The following GNAL variants were observed in gnomAD, a reference collection of about 807,000 sequenced individuals.
The protein encoded by GNAL is G protein subunit alpha L.
Under a neutral mutation model 55.1 loss-of-function variants are expected in GNAL, and 18 were observed. The ratio of observed to expected loss-of-function variants is 0.33; its 90% CI spans 0.23 to 0.48. The LOEUF (loss-of-function observed/expected upper bound fraction) is 0.48, where lower values mean the gene tolerates loss of function less well. GNAL is among the 20% of genes least tolerant of loss of function. The probability of loss-of-function intolerance (pLI) is 0.99; values close to 1 mark genes in which losing one functional copy is unlikely to be tolerated. For synonymous variants in GNAL, 253 were observed against 237.0 expected (o/e 1.07, Z -0.62); for missense variants, 412 against 614.1 (o/e 0.67, Z 3.48).
At chr18:11,828,099 G>A (rs2035294781) in intron 5 of GNAL, among the ~76,000 whole-genome samples, 1 of 152,314 alleles carries the variant, frequency 6.6e-6, no homozygotes, top group African/African-American at 2.4e-5. Context: ...CGGTTTGGAT[G>A]TGGGAGTTTG....
At chr18:11,871,827 C>A (rs923380233) in intron 9 of GNAL, among the ~76,000 whole-genome samples, 2 of 152,200 alleles carry the variant, frequency 1.3e-5, no homozygotes, top group Admixed American at 6.5e-5. Context: ...CCCCATGGGA[C>A]TGAATTAGAA....
At chr18:11,839,569 A>AAAAAAAT (rs1555656666) in intron 5 of GNAL, among the ~76,000 whole-genome samples, 8 of 150,396 alleles carry the variant, frequency 5.3e-5, no homozygotes, top group Non-Finnish European at 7.4e-5. Context: ...AAAAAAAAAA[A>AAAAAAAT]TTTTTTTTCT....
chr18:11,757,572 T>C (rs2033099869), intron 4 of GNAL, among the ~76,000 whole-genome samples: 1 of 152,136 alleles, frequency 6.6e-6, no homozygotes, highest in Non-Finnish European at 1.5e-5. Flanking sequence ...TTTAGACTTG[T>C]CGGCATGTGG....
rs767243364 is a variant in GNAL, at chr18:11,689,659, CGCCCCG to C, written c.107_112del (p.Pro36_Ala37del). 7.3e-7 allele frequency: 1 copy of C among 1,368,840 alleles called. No individual in the cohort carries two copies. Among genetic ancestry groups the C allele is most frequent in the Non-Finnish European group, 9.5e-7 (1 of 1,056,076 alleles). The allele number at this position is 1,368,840 out of a possible 1,614,324, so 84.8% of individuals were successfully genotyped here. On this transcript the variant is annotated inframe_deletion, in exon 1 of 12. Coordinates refer to ENST00000334049, the MANE Select transcript of GNAL (RefSeq NM_182978.4). ...AGCCGCCGGTGGAGGACGCGCAGCC[CGCCCCG>C]GCCCCGGCCCTGGCCCCAGTCCGGG...
At chr18:11,851,269 C>T (rs545154180) in intron 5 of GNAL, 30 of 478,548 alleles carry the variant, frequency 6.3e-5, no homozygotes, top group African/African-American at 4.7e-4. Flanking sequence ...AGCGTCCAGC[C>T]AGAATCCCCC....
chr18:11,704,639 C>T (rs904255441), intron 1 of GNAL, among the ~76,000 whole-genome samples: 9 of 152,142 alleles, frequency 5.9e-5, no homozygotes, highest in Non-Finnish European at 7.4e-5. Flanking sequence ...CTTTGGACTC[C>T]GTCTCTTACA....
intron 4 of GNAL, among the ~76,000 whole-genome samples, chr18:11,813,924 G>A (rs1303969315): frequency 2.0e-5 from 3 of 152,098 alleles, no homozygotes; most frequent in Non-Finnish European, 2.9e-5. Context: ...GAGAGCCAGA[G>A]ATACTAAGGA....
chr18:11,809,684 G>A (rs2034759820), intron 4 of GNAL, among the ~76,000 whole-genome samples: 1 of 152,168 alleles, frequency 6.6e-6, no homozygotes, highest in Non-Finnish European at 1.5e-5. Context: ...AGTGAACCAA[G>A]ATCAAGCCAC....
rs915337719 is a variant in GNAL at position 11,689,664 on chromosome 18, C to G, written c.101C>G (p.Pro34Arg). Residue 34 changes from proline (P) to arginine (R), a missense_variant, in exon 1 of 12, where the codon CCG becomes CGG. Physicochemically the swap from Pro to Arg is moderately radical, Grantham distance 103 (BLOSUM62 -2). Transcript: ENST00000334049. The part of the protein sequence containing the change: ...EPPVEDAQPA[P>R]APALAPVRAA... ...CCGGTGGAGGACGCGCAGCCCGCCC[C>G]GGCCCCGGCCCTGGCCCCAGTCCGG... 9.8e-6 allele frequency: 14 copies of G among 1,423,346 alleles called. No individual in the cohort carries two copies. Among genetic ancestry groups the G allele is most frequent in the East Asian group, 9.1e-5 (3 of 32,792 alleles). 88.2% of individuals were successfully genotyped at this position (1,423,346 alleles called of 1,614,324 possible). A position where few individuals can be genotyped will look rare whatever the true frequency, so the allele number is the denominator to read the frequency against.
At chr18:11,831,216 T>A (rs2035375323) in intron 5 of GNAL, among the ~76,000 whole-genome samples, 2 of 151,878 alleles carry the variant, frequency 1.3e-5, no homozygotes, top group Non-Finnish European at 2.9e-5. Flanking sequence ...GGAAAGGCAA[T>A]GGGAGCTCTG....
chr18:11,699,057 T>C (rs1338855807), intron 1 of GNAL, among the ~76,000 whole-genome samples: 1 of 152,196 alleles, frequency 6.6e-6, no homozygotes, highest in Non-Finnish European at 1.5e-5. Context: ...CTTCATGATA[T>C]TGAAAGTGAT....
chr18:11,744,351 G>A (rs950128434), intron 1 of GNAL, among the ~76,000 whole-genome samples: 1 of 152,110 alleles, frequency 6.6e-6, no homozygotes, highest in Non-Finnish European at 1.5e-5. Flanking sequence ...AGATTATTAT[G>A]TACAGAAAAG....
Position 11,689,331 on chromosome 18 carries a change from C to G in GNAL, c.-233C>G, listed in dbSNP as rs1403357488. 1 of 332,522 alleles carries G rather than the reference C, an allele frequency of 3.0e-6. No individual in the cohort carries two copies. The highest frequency in any genetic ancestry group is 5.4e-6 in the Non-Finnish European group (1 of 183,912). 20.6% of individuals were successfully genotyped at this position (332,522 alleles called of 1,614,324 possible). On this transcript the variant is annotated 5_prime_UTR_variant, in exon 1 of 12. Transcript: ENST00000334049. ...CAAGGCGGCCGCCACCCCTTGCACA[C>G]AGCAGAAAATGCAAAATGACCCTCT... is the stretch of plus-strand genomic sequence containing the variant.
At chr18:11,846,694 C>CAT (rs2035748439) in intron 5 of GNAL, among the ~76,000 whole-genome samples, 1 of 151,588 alleles carries the variant, frequency 6.6e-6, no homozygotes, top group Non-Finnish European at 1.5e-5. Context: ...CTGTTGTTAA[C>CAT]ATATTTTGAG....
At chr18:11,769,013 TTCTATATTATAATATATTA>T (rs2033528052) in intron 4 of GNAL, among the ~76,000 whole-genome samples, 1 of 106,216 alleles carries the variant, frequency 9.4e-6, no homozygotes, top group Non-Finnish European at 1.7e-5. Flanking sequence ...AATATATATA[TTCTATATTATAATATATTA>T]TATATAATAT....
At chr18:11,865,006 G>T (rs787556) in intron 7 of GNAL, among the ~76,000 whole-genome samples, 137,049 of 152,114 alleles carry the variant, frequency 0.9, 62,230 homozygotes, top group East Asian at 1. Context: ...TCTTCATTTT[G>T]CTCCCTCATG....
intron 4 of GNAL, among the ~76,000 whole-genome samples, chr18:11,761,480 T>C (rs563160905): frequency 4.6e-5 from 7 of 152,214 alleles, no homozygotes; most frequent in Non-Finnish European, 1.0e-4. Flanking sequence ...CTTCTCTTTC[T>C]CTACCTTATT....
intron 1 of GNAL, chr18:11,746,005 C>T (rs1234272246): frequency 9.8e-6 from 3 of 304,810 alleles, no homozygotes; most frequent in Admixed American, 8.3e-5. Context: ...GCAGAGATAC[C>T]TAGGGAGTCG....
Position 11,885,047 on chromosome 18 carries a change from G to A in GNAL, c.*3912G>A, listed in dbSNP as rs767006415. 258 of 1,293,492 alleles carry A rather than the reference G, an allele frequency of 2.0e-4. No homozygotes were observed. Among genetic ancestry groups the A allele is most frequent in the Non-Finnish European group, 2.5e-4 (246 of 991,814 alleles). The allele number at this position is 1,293,492 out of a possible 1,614,324, so 80.1% of individuals were successfully genotyped here. On this transcript the variant is annotated 3_prime_UTR_variant, in exon 12 of 12. Coordinates refer to ENST00000334049, the MANE Select transcript of GNAL (RefSeq NM_182978.4). ...TGCTCAACTAAGCATCTGTTCCCTA[G>A]AAATACATGTGTCCAGGTCGTCTCC...
Sources: gnomAD v4.1 joint callset for allele counts (sites outside exome capture counted in the v4.1 genomes callset) on GRCh38, gnomAD v4.1.1 for gene constraint, MANE v1.5 for transcripts, NCBI Gene and HGNC (gene_info 2026-07-23, HGNC 2026-07-21) for gene names.